FHL2: variants seen among roughly 807,000 people sequenced by gnomAD.
FHL2 encodes the protein four and a half LIM domains protein 2.
FHL2 carries 20 observed loss-of-function variants against 32.7 expected under a neutral mutation model. The observed-to-expected ratio is 0.61, with a 90% CI of 0.43 to 0.89. The LOEUF is 0.89. Among genes scored for constraint, FHL2 ranks in the 40% least tolerant of loss-of-function variants. FHL2 has a pLI of 0.00. For synonymous variants in FHL2, 123 were observed against 128.1 expected (o/e 0.96, Z 0.27); for missense variants, 311 against 358.6 (o/e 0.87, Z 1.07).
chr2:105,399,031 C>G lies in FHL2; in HGVS notation c.-265G>C. On this transcript the variant is annotated 5_prime_UTR_variant, in exon 1 of 7. Coordinates refer to ENST00000530340, the MANE Select transcript of FHL2 (RefSeq NM_001318895.3). ...GGAGGGCGCGGGCGGCTGGTGGCTGCGGCTCCGCTGCCGGCCGAGTGGAGC... is the reference window on the plus strand; with the variant it reads ...GGAGGGCGCGGGCGGCTGGTGGCTGGGGCTCCGCTGCCGGCCGAGTGGAGC... 1 of 1,494,032 alleles carries G rather than the reference C, an allele frequency of 6.7e-7. No individual in the cohort carries two copies. Among genetic ancestry groups the G allele is most frequent in the Non-Finnish European group, 8.9e-7 (1 of 1,124,712 alleles). The allele number at this position is 1,494,032 out of a possible 1,614,324, so 92.5% of individuals were successfully genotyped here.
chr2:105,362,859 G>C (rs1171899467), intron 6 of FHL2, among the ~76,000 whole-genome samples: 2 of 152,158 alleles, frequency 1.3e-5, no homozygotes, highest in East Asian at 1.9e-4. Flanking sequence ...TATAGCTATG[G>C]CCTTGTGGTA....
intron 1 of FHL2, among the ~76,000 whole-genome samples, chr2:105,428,834 T>A (rs1306034321): frequency 6.6e-6 from 1 of 152,260 alleles, no homozygotes; most frequent in African/African-American, 2.4e-5. Flanking sequence ...GCGGCTGCTC[T>A]GTACTCTGTA....
intron 5 of FHL2, among the ~76,000 whole-genome samples, chr2:105,366,174 C>T (rs1437552745): frequency 6.6e-6 from 1 of 151,712 alleles, no homozygotes; most frequent in East Asian, 1.9e-4. Flanking sequence ...CGAGCCACTG[C>T]ACTCCAGCCT....
At position 105,386,320 on chromosome 2, in the gene FHL2, T is replaced by A. The variant is rs1056324919; in HGVS notation, c.156+41A>T. 3 of 1,604,264 alleles carry A rather than the reference T, an allele frequency of 1.9e-6. No individual in the cohort carries two copies. In the Admixed American group the frequency reaches 5.1e-5, roughly 27 times the overall value. On this transcript the variant is annotated intron_variant, in intron 3 of 6. Transcript: ENST00000530340. ...AAACCACAGAGAAACCCGTGTTTCC[T>A]AGGGGAGCGCCGGGGACCCGCAGAG...
intron 3 of FHL2, 110 bp from the exon 4 acceptor site, chr2:105,373,843 C>T (rs1167277833): frequency 1.2e-5 from 13 of 1,057,850 alleles, no homozygotes; most frequent in Non-Finnish European, 1.7e-5. Context: ...GAAGTTGGGC[C>T]GAGGCACCCT....
intron 1 of FHL2, among the ~76,000 whole-genome samples, chr2:105,427,605 G>A (rs927075645): frequency 2.0e-5 from 3 of 152,170 alleles, no homozygotes; most frequent in African/African-American, 4.8e-5. Context: ...AGAGGCCCTT[G>A]TGAGGGAGTT....
intron 2 of FHL2, chr2:105,389,744 G>A (rs1010910035): frequency 2.6e-5 from 4 of 152,234 alleles, no homozygotes; most frequent in African/African-American, 9.6e-5. Context: ...ACAAGCACCA[G>A]CCCTGCTAGG....
At chr2:105,363,200 G>GAT in intron 6 of FHL2, 85 bp downstream of exon 6, 1 of 1,344,554 alleles carries the variant, frequency 7.4e-7, no homozygotes, top group African/African-American at 1.4e-5. Context: ...GGAGTTGAGG[G>GAT]ATATAGACAG....
chr2:105,366,768 T>C (rs916971006), intron 5 of FHL2, among the ~76,000 whole-genome samples: 14 of 152,132 alleles, frequency 9.2e-5, no homozygotes, highest in Non-Finnish European at 2.1e-4. Context: ...TTTTTTGAGA[T>C]GGAGTCTCGC....
rs1471574067 is a variant in FHL2 at position 105,378,125 on chromosome 2, G to T, written c.157-4392C>A. ...AAGAGCACATCAGCATGCCTGCACA[G>T]ACATGGAAAAGCTGGCTAAGACATG... On this transcript the variant is annotated intron_variant, in intron 3 of 6. Coordinates refer to ENST00000530340, the MANE Select transcript of FHL2 (RefSeq NM_001318895.3). 3 of 471,192 alleles carry T rather than the reference G, an allele frequency of 6.4e-6. No homozygotes were observed. In the Admixed American group the frequency reaches 7.0e-5, roughly 11 times the overall value. 29.2% of individuals were successfully genotyped at this position (471,192 alleles called of 1,614,324 possible). A position where few individuals can be genotyped will look rare whatever the true frequency, so the allele number is the denominator to read the frequency against.
intron 1 of FHL2, among the ~76,000 whole-genome samples, chr2:105,408,748 T>A (rs1345584899): frequency 6.6e-6 from 1 of 152,216 alleles, no homozygotes; most frequent in Non-Finnish European, 1.5e-5. Context: ...ATTGCCACTA[T>A]GATGTTCATC....
intron 2 of FHL2, among the ~76,000 whole-genome samples, chr2:105,394,801 G>A (rs1208228732): frequency 6.6e-6 from 1 of 152,078 alleles, no homozygotes; most frequent in African/African-American, 2.4e-5. Flanking sequence ...TGTCAGAGGT[G>A]TATTATAGTT....
upstream of FHL2, among the ~76,000 whole-genome samples, chr2:105,401,935 T>G (rs771903865): frequency 2.0e-4 from 31 of 151,850 alleles, no homozygotes; most frequent in Non-Finnish European, 4.0e-4. Flanking sequence ...CTGTACACAT[T>G]TTTATTTCTT....
intron 1 of FHL2, among the ~76,000 whole-genome samples, chr2:105,410,210 C>T (rs1331102560): frequency 2.6e-5 from 4 of 152,208 alleles, no homozygotes; most frequent in African/African-American, 4.8e-5. Flanking sequence ...AGGAATCAGG[C>T]GGAGGCCGGA....
At position 105,409,388 on chromosome 2, in the gene FHL2, G is replaced by A. The variant is rs551946894; in HGVS notation, c.-24-22848C>T. Among the ~76,000 whole-genome samples, 14 of 152,308 alleles carry A rather than the reference G, an allele frequency of 9.2e-5. No individual in the cohort carries two copies. The South Asian group carries it at 2.3e-3, about 25-fold the overall frequency. On this transcript the variant is annotated intron_variant, in intron 1 of 5. Transcript: ENST00000393352. Reference sequence around the variant, plus strand: ...GTTGCCCCCAGAAGTCTCCCATGATGCTCATGTGTGGCTGTGGCTATTCTA... The same window carrying A: ...GTTGCCCCCAGAAGTCTCCCATGATACTCATGTGTGGCTGTGGCTATTCTA...
Position 105,361,242 on chromosome 2 carries a change from CTGTG to C in FHL2, c.*37_*40del. ...TGGGTGAGAAAGAAAACATAAAAAT[CTGTG>C]TGTGAGATCACAAGCAGCAACTTCT... On this transcript the variant is annotated 3_prime_UTR_variant, in exon 7 of 7. Transcript: ENST00000530340. 1.3e-6 allele frequency: 2 copies of C among 1,583,366 alleles called. No homozygotes were observed. The highest frequency in any genetic ancestry group is 1.1e-5 in the South Asian group (1 of 87,420).
chr2:105,424,951 C>T (rs902496998), intron 1 of FHL2, among the ~76,000 whole-genome samples: 2 of 151,854 alleles, frequency 1.3e-5, no homozygotes, highest in Non-Finnish European at 2.9e-5. Context: ...AGCAAACCAC[C>T]GTGGCACATG....
intron 3 of FHL2, among the ~76,000 whole-genome samples, chr2:105,382,419 GTCT>G: frequency 6.6e-6 from 1 of 152,202 alleles, no homozygotes; most frequent in African/African-American, 2.4e-5. Flanking sequence ...GACCCTCCGG[GTCT>G]GGGCTCAAAT....
chr2:105,398,159 C>T (rs998638333), intron 1 of FHL2, among the ~76,000 whole-genome samples: 4 of 152,176 alleles, frequency 2.6e-5, no homozygotes, highest in Admixed American at 6.5e-5. Context: ...GATTAGCCTA[C>T]TTCCAGTTAA....
Sources: gnomAD v4.1 joint callset for allele counts (sites outside exome capture counted in the v4.1 genomes callset) on GRCh38, gnomAD v4.1.1 for gene constraint, MANE v1.5 for transcripts, NCBI Gene and HGNC (gene_info 2026-07-23, HGNC 2026-07-21) for gene names.